Variants in BRAP observed in about 807,000 individuals in gnomAD.
The protein encoded by BRAP is BRCA1 associated protein.
BRAP carries 42 observed loss-of-function variants against 73.4 expected under a neutral mutation model. That is an observed-to-expected ratio of 0.57 (90% CI 0.45 to 0.74). The LOEUF (loss-of-function observed/expected upper bound fraction) is 0.74, where lower values mean the gene tolerates loss of function less well. Among genes scored for constraint, BRAP ranks in the 30% least tolerant of loss-of-function variants. BRAP has a pLI of 0.00. For missense variants in BRAP, 593 were observed against 751.4 expected, an observed-to-expected ratio of 0.79 and a Z score of 2.46; for synonymous variants, 255 against 267.4, an observed-to-expected ratio of 0.95 and a Z score of 0.45.
At chr12:111,661,943 G>T (rs1886770436) in intron 6 of BRAP, among the ~76,000 whole-genome samples, 1 of 151,918 alleles carries the variant, frequency 6.6e-6, no homozygotes, top group Non-Finnish European at 1.5e-5. Context: ...CAAAGTACTG[G>T]GATAACAGGC....
In BRAP at chr12:111,685,744, G is replaced by A; in HGVS notation, c.49C>T (p.Pro17Ser). ...VIRLELAEHSPVPAGFGFSAA... is the reference protein window; with the variant it reads ...VIRLELAEHSSVPAGFGFSAA... ...CTGAAGCCGAAGCCGGCGGGGACAGGCGAGTGTTCCGCGAGCTCCAATCGG... is the reference window on the plus strand; with the variant it reads ...CTGAAGCCGAAGCCGGCGGGGACAGACGAGTGTTCCGCGAGCTCCAATCGG... The change falls in exon 1 of 12, where the codon CCT becomes TCT. Residue 17 changes from proline (P) to serine (S), a missense_variant. Coordinates refer to ENST00000419234, the MANE Select transcript of BRAP (RefSeq NM_006768.5). 1 of 1,609,912 alleles carries A rather than the reference G, an allele frequency of 6.2e-7. No individual in the cohort carries two copies. The highest frequency in any genetic ancestry group is 1.7e-4 in the Middle Eastern group (1 of 6,056).
intron 11 of BRAP, among the ~76,000 whole-genome samples, chr12:111,648,537 G>A (rs973291395): frequency 7.0e-5 from 10 of 143,530 alleles, no homozygotes; most frequent in African/African-American, 1.6e-4. Context: ...ACTTGAATCC[G>A]GGAGGCGGAG....
At chr12:111,664,086 G>A (rs1166811316) in intron 6 of BRAP, among the ~76,000 whole-genome samples, 1 of 152,176 alleles carries the variant, frequency 6.6e-6, no homozygotes. Flanking sequence ...AGCACTTTGC[G>A]AGGCCAAGGC....
rs1046459453 is a variant in BRAP, at chr12:111,643,345, A to C, written c.*854T>G. 1 of 152,216 alleles carries C rather than the reference A, an allele frequency of 6.6e-6. No homozygotes were observed. The highest frequency in any genetic ancestry group is 1.9e-4 in the East Asian group (1 of 5,198). The allele number at this position is 152,216 out of a possible 1,614,324, so 9.4% of individuals were successfully genotyped here. ...ACTAAACCCAACAAAATACACAATTAGCTAGTCAGAGGCCTCACTCTACAT... is the reference window on the plus strand; with the variant it reads ...ACTAAACCCAACAAAATACACAATTCGCTAGTCAGAGGCCTCACTCTACAT... On this transcript the variant is annotated 3_prime_UTR_variant, in exon 12 of 12. Coordinates refer to ENST00000419234, the MANE Select transcript of BRAP (RefSeq NM_006768.5).
intron 5 of BRAP, among the ~76,000 whole-genome samples, chr12:111,669,478 C>T (rs778360036): frequency 7.9e-5 from 12 of 151,790 alleles, no homozygotes; most frequent in Non-Finnish European, 1.6e-4. Flanking sequence ...CGCCTGCCTT[C>T]GCCTCCCGAA....
chr12:111,680,721 A>G (rs1382856737), intron 3 of BRAP, among the ~76,000 whole-genome samples: 2 of 151,702 alleles, frequency 1.3e-5, no homozygotes, highest in Non-Finnish European at 2.9e-5. Context: ...AACAAAACAA[A>G]AAACAAAACA....
chr12:111,655,509 C>G (rs1183981001), intron 10 of BRAP, 57 bp downstream of exon 10: 8 of 1,380,766 alleles, frequency 5.8e-6, no homozygotes, highest in Admixed American at 3.4e-5. Context: ...CCACACCCCC[C>G]ATCAGAGTGC....
At chr12:111,652,138 C>T (rs1016782385) in intron 10 of BRAP, among the ~76,000 whole-genome samples, 1 of 152,122 alleles carries the variant, frequency 6.6e-6, no homozygotes, top group African/African-American at 2.4e-5. Context: ...CCTAAGGAAC[C>T]AAACTGTACA....
rs1566106124 is a variant in BRAP at position 111,644,215 on chromosome 12, C to T, written c.1763G>A (p.Ser588Asn). 1 of 1,611,550 alleles carries T rather than the reference C, an allele frequency of 6.2e-7. No homozygotes were observed. Among genetic ancestry groups the T allele is most frequent in the Non-Finnish European group, 8.5e-7 (1 of 1,179,752 alleles). ...CTCTGAAGGTCACTTGCCCCTCTTG[C>T]TGCGGCCCTTCCTGGAGGGCAACTT... ...SGKLPSRKGR[S>N]KRGK Residue 588 changes from serine (S) to asparagine (N), a missense_variant, in exon 12 of 12, where the codon AGC (serine) becomes AAC (asparagine). Transcript: ENST00000419234.
chr12:111,680,028 G>A (rs1325642051), intron 3 of BRAP, among the ~76,000 whole-genome samples: 1 of 151,136 alleles, frequency 6.6e-6, no homozygotes, highest in Admixed American at 6.6e-5. Context: ...CATGGTCTCG[G>A]CTCACTGCAA....
intron 1 of BRAP, among the ~76,000 whole-genome samples, chr12:111,684,650 G>A (rs1296060190): frequency 2.6e-5 from 4 of 151,898 alleles, no homozygotes; most frequent in Non-Finnish European, 5.9e-5. Context: ...GGCTCCAGCA[G>A]ATATGAGCAT....
intron 10 of BRAP, among the ~76,000 whole-genome samples, chr12:111,650,562 G>A (rs1353669833): frequency 2.6e-5 from 4 of 152,074 alleles, no homozygotes; most frequent in South Asian, 4.2e-4. Context: ...CACCGTGCCC[G>A]GCCTAATTTT....
chr12:111,680,887 G>A (rs575186837), intron 3 of BRAP, among the ~76,000 whole-genome samples: 1 of 152,106 alleles, frequency 6.6e-6, no homozygotes, highest in South Asian at 2.1e-4. Context: ...CTTTCCTTGG[G>A]GCTCTAGCAA....
chr12:111,682,620 T>A (rs1386585779), intron 2 of BRAP, among the ~76,000 whole-genome samples: 1 of 151,654 alleles, frequency 6.6e-6, no homozygotes, highest in Non-Finnish European at 1.5e-5. Flanking sequence ...GGTAAGAAAT[T>A]CTCCCTGGTA....
chr12:111,646,124 G>GA (rs1181029265), intron 11 of BRAP, among the ~76,000 whole-genome samples: 1 of 151,910 alleles, frequency 6.6e-6, no homozygotes, highest in Non-Finnish European at 1.5e-5. Context: ...CTATACAAAA[G>GA]AAAAATTAAA....
At chr12:111,661,384 A>G (rs1402577886) in intron 6 of BRAP, among the ~76,000 whole-genome samples, 3 of 150,880 alleles carry the variant, frequency 2.0e-5, no homozygotes, top group Non-Finnish European at 4.4e-5. Flanking sequence ...GGTTCAAGCA[A>G]TTCTCCTGCC....
intron 5 of BRAP, chr12:111,670,425 A>G (rs1887123679): frequency 2.9e-6 from 1 of 349,356 alleles, no homozygotes; most frequent in South Asian, 2.6e-5. Flanking sequence ...CAAATGCTAA[A>G]ACAATCTACT....
At chr12:111,654,683 T>C (rs1208355105) in intron 10 of BRAP, among the ~76,000 whole-genome samples, 1 of 152,202 alleles carries the variant, frequency 6.6e-6, no homozygotes, top group African/African-American at 2.4e-5. Context: ...ATCCAGAAAC[T>C]GGGGCCCATG....
At chr12:111,667,329 G>C (rs922626173) in intron 5 of BRAP, among the ~76,000 whole-genome samples, 1 of 152,080 alleles carries the variant, frequency 6.6e-6, no homozygotes, top group Non-Finnish European at 1.5e-5. Context: ...TAATATTGTA[G>C]GAGTTTTCAA....
Sources: allele counts gnomAD v4.1 joint callset (sites outside exome capture counted in the v4.1 genomes callset), GRCh38; gene constraint gnomAD v4.1.1; transcripts MANE v1.5; gene names NCBI Gene and HGNC (gene_info 2026-07-23, HGNC 2026-07-21).